The following SGCZ variants were observed in gnomAD, a reference collection of about 807,000 sequenced individuals.
SGCZ encodes the protein sarcoglycan zeta.
SGCZ carries 40 observed loss-of-function variants against 41.3 expected under a neutral mutation model. The ratio of observed to expected loss-of-function variants is 0.97; its 90% CI spans 0.75 to 1.26. SGCZ has a LOEUF of 1.26. Ranked by LOEUF, SGCZ falls within the 50% of genes most tolerant of loss-of-function variation. SGCZ has a pLI of 0.00. For missense variants in SGCZ, 552 were observed against 369.8 expected, an observed-to-expected ratio of 1.49 and a Z score of -4.04; for synonymous variants, 206 against 137.5, an observed-to-expected ratio of 1.50 and a Z score of -3.49.
chr8:15,183,355 T>C (rs1215681275), intron 1 of SGCZ, among the ~76,000 whole-genome samples: 2 of 152,034 alleles, frequency 1.3e-5, no homozygotes, highest in Admixed American at 6.5e-5. Context: ...AAATGTATTG[T>C]AATACTTCAT....
intron 1 of SGCZ, among the ~76,000 whole-genome samples, chr8:14,601,105 G>A (rs868158506): frequency 4.6e-5 from 7 of 150,904 alleles, no homozygotes; most frequent in African/African-American, 9.7e-5. Flanking sequence ...TGATCATACT[G>A]TATATATCCC....
chr8:14,099,002 C>T lies in SGCZ; in HGVS notation c.744+3374G>A, dbSNP rs1274741375. ...TTAAAATTCCATAAGTTTCTGAGATCCAAACCATAGCTCCACCCATATAAA... is the reference window on the plus strand; with the variant it reads ...TTAAAATTCCATAAGTTTCTGAGATTCAAACCATAGCTCCACCCATATAAA... On this transcript the variant is annotated intron_variant, in intron 7 of 7. Coordinates refer to ENST00000382080, the MANE Select transcript of SGCZ (RefSeq NM_139167.4). Among the ~76,000 whole-genome samples the T allele has an allele frequency of 2.6e-5, 4 of 152,094 alleles. No individual in the cohort carries two copies. The East Asian group carries it at 7.7e-4, about 29-fold the overall frequency.
intron 2 of SGCZ, among the ~76,000 whole-genome samples, chr8:14,473,414 TATC>T (rs556757582): frequency 7.6e-4 from 116 of 152,308 alleles, no homozygotes; most frequent in African/African-American, 2.8e-3. Context: ...TTCATTAAAA[TATC>T]ATGAATTTTT....
At chr8:14,189,129 G>C (rs1805009319) in intron 4 of SGCZ, among the ~76,000 whole-genome samples, 1 of 151,924 alleles carries the variant, frequency 6.6e-6, no homozygotes, top group South Asian at 2.1e-4. Context: ...AACGTGCTGG[G>C]ATTACAGGCG....
intron 5 of SGCZ, among the ~76,000 whole-genome samples, chr8:14,144,560 G>C (rs1803465927): frequency 1.3e-5 from 2 of 152,156 alleles, no homozygotes; most frequent in Admixed American, 1.3e-4. Flanking sequence ...AGCTGTGTTG[G>C]CTACATGGCA....
intron 4 of SGCZ, among the ~76,000 whole-genome samples, chr8:14,228,341 A>G (rs1469820669): frequency 6.6e-6 from 1 of 152,266 alleles, no homozygotes; most frequent in South Asian, 2.1e-4. Context: ...CATAAGGTCT[A>G]ATAAAATATC....
intron 2 of SGCZ, among the ~76,000 whole-genome samples, chr8:14,397,960 T>A (rs1354375454): frequency 6.6e-6 from 1 of 152,188 alleles, no homozygotes; most frequent in East Asian, 1.9e-4. Context: ...GACATTCTGA[T>A]GAATTCCCTT....
chr8:14,644,169 G>A (rs72607323), intron 1 of SGCZ, among the ~76,000 whole-genome samples: 2 of 151,554 alleles, frequency 1.3e-5, no homozygotes, highest in African/African-American at 4.8e-5. Flanking sequence ...CAGTTGTTTA[G>A]TCAAGCACCC....
At chr8:14,549,521 TA>T (rs1803735642) in intron 2 of SGCZ, among the ~76,000 whole-genome samples, 1 of 151,952 alleles carries the variant, frequency 6.6e-6, no homozygotes, top group Admixed American at 6.6e-5. Flanking sequence ...TTTTAAAACT[TA>T]AAAAAAGTCA....
chr8:14,613,970 AT>A (rs1336348977), intron 1 of SGCZ, among the ~76,000 whole-genome samples: 2 of 152,146 alleles, frequency 1.3e-5, no homozygotes, highest in African/African-American at 4.8e-5. Flanking sequence ...TGACAGATTG[AT>A]TTTTTTAGAA....
chr8:15,182,293 A>C (rs1177532914), intron 1 of SGCZ, among the ~76,000 whole-genome samples: 1 of 152,198 alleles, frequency 6.6e-6, no homozygotes, highest in Non-Finnish European at 1.5e-5. Flanking sequence ...CATTATACTA[A>C]ATATAATGCA....
intron 1 of SGCZ, among the ~76,000 whole-genome samples, chr8:15,181,649 A>C (rs2117088423): frequency 6.6e-6 from 1 of 152,328 alleles, no homozygotes; most frequent in East Asian, 1.9e-4. Flanking sequence ...GAACATTTTG[A>C]TACGCTAAAA....
In SGCZ at chr8:14,503,625, G is replaced by C. The variant is rs549457775; in HGVS notation, c.234+51107C>G. Among the ~76,000 whole-genome samples the C allele has an allele frequency of 2.6e-5, 4 of 152,046 alleles. No individual in the cohort carries two copies. In the South Asian group the frequency reaches 8.3e-4, roughly 32 times the overall value. On this transcript the variant is annotated intron_variant, in intron 2 of 7. Coordinates refer to ENST00000382080, the MANE Select transcript of SGCZ (RefSeq NM_139167.4). ...TCTACTGAAAATACAAAAATTAGCTGGGCGTGGTGGCCTGTGCCTGTAGTC... is the reference window on the plus strand; with the variant it reads ...TCTACTGAAAATACAAAAATTAGCTCGGCGTGGTGGCCTGTGCCTGTAGTC...
At chr8:15,020,799 T>C (rs1554541527) in intron 1 of SGCZ, among the ~76,000 whole-genome samples, 1 of 152,230 alleles carries the variant, frequency 6.6e-6, no homozygotes, top group Non-Finnish European at 1.5e-5. Flanking sequence ...ATTTAAACTA[T>C]CCACACTTGT....
chr8:14,616,202 G>C (rs1806096798), intron 1 of SGCZ, among the ~76,000 whole-genome samples: 1 of 151,528 alleles, frequency 6.6e-6, no homozygotes, highest in Non-Finnish European at 1.5e-5. Flanking sequence ...AGAATGGCGT[G>C]AACCCAGGAG....
At chr8:14,670,114 A>G (rs1808057077) in intron 1 of SGCZ, among the ~76,000 whole-genome samples, 1 of 152,170 alleles carries the variant, frequency 6.6e-6, no homozygotes, top group Admixed American at 6.6e-5. Flanking sequence ...ATTGTTTTTG[A>G]CAGTTTTATT....
At chr8:15,146,284 G>A (rs773053784) in intron 1 of SGCZ, among the ~76,000 whole-genome samples, 17 of 152,088 alleles carry the variant, frequency 1.1e-4, no homozygotes, top group East Asian at 5.8e-4. Flanking sequence ...GATTTTCGTC[G>A]GAAAGGAATA....
At chr8:14,656,991 A>G (rs1477144246) in intron 1 of SGCZ, among the ~76,000 whole-genome samples, 2 of 152,008 alleles carry the variant, frequency 1.3e-5, no homozygotes, top group African/African-American at 4.8e-5. Flanking sequence ...ATGTCTATAT[A>G]TAAAATTTGT....
At chr8:14,479,751 T>TTTTTC (rs2117001396) in intron 2 of SGCZ, among the ~76,000 whole-genome samples, 1 of 91,932 alleles carries the variant, frequency 1.1e-5, no homozygotes, top group East Asian at 2.8e-4. Context: ...TTTTTTTTTT[T>TTTTTC]TTTTTTTTTT....
Sources: allele counts gnomAD v4.1 joint callset (sites outside exome capture counted in the v4.1 genomes callset), GRCh38; gene constraint gnomAD v4.1.1; transcripts MANE v1.5; gene names NCBI Gene and HGNC (gene_info 2026-07-23, HGNC 2026-07-21).